Variants in MAN2A1 observed in about 807,000 individuals in gnomAD.
MAN2A1 encodes the protein alpha-mannosidase 2.
In MAN2A1, 76 loss-of-function variants were observed where a neutral mutation model predicts 142.6. The observed-to-expected ratio is 0.53, with a 90% CI of 0.44 to 0.65. MAN2A1 has a LOEUF of 0.65. Among genes scored for constraint, MAN2A1 ranks in the 30% least tolerant of loss-of-function variants. The probability of loss-of-function intolerance (pLI) is 0.00; values close to 1 mark genes in which losing one functional copy is unlikely to be tolerated. For missense variants in MAN2A1, 1,311 were observed against 1,365.1 expected (o/e 0.96, Z 0.62); for synonymous variants, 559 against 473.2 (o/e 1.18, Z -2.35).
intron 4 of MAN2A1, among the ~76,000 whole-genome samples, chr5:109,742,509 T>C (rs1211216933): frequency 6.6e-6 from 1 of 152,226 alleles, no homozygotes; most frequent in Non-Finnish European, 1.5e-5. Context: ...TATCTCTGCT[T>C]GCTTCTTGAA....
chr5:109,837,215 A>G (rs1046595535), intron 16 of MAN2A1, among the ~76,000 whole-genome samples: 2 of 151,074 alleles, frequency 1.3e-5, no homozygotes, highest in Non-Finnish European at 2.9e-5. Context: ...ATCTGTCTTT[A>G]ATATTAAATA....
intron 16 of MAN2A1, among the ~76,000 whole-genome samples, chr5:109,826,656 G>T (rs2112735427): frequency 6.6e-6 from 1 of 152,296 alleles, no homozygotes; most frequent in South Asian, 2.1e-4. Flanking sequence ...CACTCGGGTT[G>T]TCTCAATCCT....
rs1469738458 is a variant in MAN2A1, at chr5:109,690,296, C to T, written c.-122C>T. ...CAAGGCGGGGACTCGCACCCGCATC[C>T]GAGAGCGCGGAGGTCGCGCAGCCCG... On this transcript the variant is annotated 5_prime_UTR_variant, in exon 1 of 22. Coordinates refer to ENST00000261483, the MANE Select transcript of MAN2A1 (RefSeq NM_002372.4). The T allele has an allele frequency of 3.9e-6, 4 of 1,032,078 alleles. No individual in the cohort carries two copies. The highest frequency in any genetic ancestry group is 1.6e-5 in the African/African-American group (1 of 63,318). 63.9% of individuals were successfully genotyped at this position (1,032,078 alleles called of 1,614,324 possible). A position where few individuals can be genotyped will look rare whatever the true frequency, so the allele number is the denominator to read the frequency against.
chr5:109,842,462 G>A lies in MAN2A1; in HGVS notation c.2700+1G>A. The A allele has an allele frequency of 6.5e-7, 1 of 1,538,512 alleles. No homozygotes were observed. The highest frequency in any genetic ancestry group is 8.8e-7 in the Non-Finnish European group (1 of 1,130,600). ...TTATACTGACCTAAATGGGTACCAGGTAATTTTTCCTTTAAAATGTTTAAG... is the reference window on the plus strand; with the variant it reads ...TTATACTGACCTAAATGGGTACCAGATAATTTTTCCTTTAAAATGTTTAAG... On this transcript the variant is annotated splice_donor_variant, in intron 17 of 21. Coordinates refer to ENST00000261483, the MANE Select transcript of MAN2A1 (RefSeq NM_002372.4). LOFTEE classifies it high-confidence loss of function.
intron 1 of MAN2A1, among the ~76,000 whole-genome samples, chr5:109,706,329 C>T (rs921944499): frequency 2.0e-5 from 3 of 152,112 alleles, no homozygotes; most frequent in Admixed American, 6.5e-5. Context: ...TATTGTAGTA[C>T]CCTTCAAAGT....
Position 109,701,765 on chromosome 5 carries a change from A to AACAGG in MAN2A1, c.135+11214_135+11218dup, listed in dbSNP as rs557113313. On this transcript the variant is annotated intron_variant, in intron 1 of 21. Transcript: ENST00000261483. ...GTAAAGAGAAAGACCAAAGCTTTTT[A>AACAGG]ACAGGTTTGATCAAGGGTAATGATG... Among the ~76,000 whole-genome samples the AACAGG allele has an allele frequency of 2.5e-3, 380 of 152,342 alleles. 2 individuals are homozygous for AACAGG. Among genetic ancestry groups the AACAGG allele is most frequent in the African/African-American group, 8.8e-3 (364 of 41,584 alleles).
At chr5:109,718,577 T>G (rs965533123) in intron 3 of MAN2A1, among the ~76,000 whole-genome samples, 11 of 152,112 alleles carry the variant, frequency 7.2e-5, no homozygotes, top group Admixed American at 5.2e-4. Context: ...AAACACACTC[T>G]CCTCATGGCC....
chr5:109,725,100 A>T (rs1751705986), intron 3 of MAN2A1, among the ~76,000 whole-genome samples: 1 of 152,206 alleles, frequency 6.6e-6, no homozygotes, highest in Non-Finnish European at 1.5e-5. Context: ...TAAAATTTGC[A>T]GGAACTGGGG....
At chr5:109,852,149 A>AG (rs1022145307) in intron 19 of MAN2A1, among the ~76,000 whole-genome samples, 2 of 151,802 alleles carry the variant, frequency 1.3e-5, no homozygotes, top group East Asian at 3.9e-4. Flanking sequence ...AAAAACAAAA[A>AG]AAAAAAAACA....
chr5:109,838,119 ACT>A (rs1308234204), intron 16 of MAN2A1, among the ~76,000 whole-genome samples: 4 of 151,522 alleles, frequency 2.6e-5, no homozygotes, highest in Non-Finnish European at 5.9e-5. Context: ...TCTATAGAAC[ACT>A]CTGATGTAGT....
At chr5:109,839,667 TTTA>T (rs1755149623) in intron 16 of MAN2A1, among the ~76,000 whole-genome samples, 1 of 150,744 alleles carries the variant, frequency 6.6e-6, no homozygotes, top group African/African-American at 2.4e-5. Flanking sequence ...TTTTTTTTTT[TTTA>T]AATAACATTC....
intron 1 of MAN2A1, among the ~76,000 whole-genome samples, chr5:109,693,736 G>A (rs1750737416): frequency 6.6e-6 from 1 of 152,046 alleles, no homozygotes. Flanking sequence ...GATATTCTTT[G>A]GAAGTCTATC....
chr5:109,704,625 C>G (rs1275223456), intron 1 of MAN2A1, among the ~76,000 whole-genome samples: 2 of 152,132 alleles, frequency 1.3e-5, no homozygotes, highest in African/African-American at 4.8e-5. Context: ...GTCATTTTAT[C>G]AAGCCCAAAA....
intron 1 of MAN2A1, among the ~76,000 whole-genome samples, chr5:109,711,605 G>C (rs540642635): frequency 6.6e-6 from 1 of 152,314 alleles, no homozygotes; most frequent in East Asian, 1.9e-4. Flanking sequence ...CTACTCGACA[G>C]CTCTGAGGAT....
chr5:109,772,587 G>C (rs1208336469), intron 7 of MAN2A1, among the ~76,000 whole-genome samples: 2 of 152,096 alleles, frequency 1.3e-5, no homozygotes, highest in Non-Finnish European at 2.9e-5. Flanking sequence ...GCTCACTGGA[G>C]CCTCCATCAC....
intron 4 of MAN2A1, among the ~76,000 whole-genome samples, chr5:109,740,062 C>G (rs1752222920): frequency 1.3e-5 from 2 of 152,114 alleles, no homozygotes; most frequent in Non-Finnish European, 2.9e-5. Flanking sequence ...TTCCTCCAGC[C>G]CTTTGTTAAG....
chr5:109,841,013 T>C (rs1755189284), intron 16 of MAN2A1, among the ~76,000 whole-genome samples: 1 of 152,178 alleles, frequency 6.6e-6, no homozygotes, highest in Non-Finnish European at 1.5e-5. Context: ...ACCTTATGCA[T>C]TTTTCCTTTT....
intron 12 of MAN2A1, among the ~76,000 whole-genome samples, chr5:109,799,526 G>A (rs1341946647): frequency 2.6e-5 from 4 of 152,062 alleles, no homozygotes; most frequent in Admixed American, 2.0e-4. Context: ...AGGCCAAGGC[G>A]GGCAGATCAC....
chr5:109,729,233 T>C, intron 3 of MAN2A1, 109 bp from the exon 4 acceptor site: 1 of 622,484 alleles, frequency 1.6e-6, no homozygotes, highest in Non-Finnish European at 2.7e-6. Flanking sequence ...TAAAAATATG[T>C]CTATGAATGA....
Sources: allele counts gnomAD v4.1 joint callset (sites outside exome capture counted in the v4.1 genomes callset), GRCh38; gene constraint gnomAD v4.1.1; transcripts MANE v1.5; gene names NCBI Gene and HGNC (gene_info 2026-07-23, HGNC 2026-07-21).